Variants in CNTLN observed in about 807,000 individuals in gnomAD.
The protein encoded by CNTLN is centlein, also known as centlein, centrosomal protein.
CNTLN carries 212 observed loss-of-function variants against 180.0 expected under a neutral mutation model. The ratio of observed to expected loss-of-function variants is 1.18; its 90% CI spans 1.05 to 1.32. The LOEUF is 1.32. Among genes scored for constraint, CNTLN ranks in the 40% most tolerant of loss-of-function variants. The pLI is 0.00. For synonymous variants in CNTLN, 722 were observed against 563.1 expected, an observed-to-expected ratio of 1.28 and a Z score of -3.99; for missense variants, 2,095 against 1,610.9, an observed-to-expected ratio of 1.30 and a Z score of -5.14.
At chr9:17,211,486 C>G (rs1321604830) in intron 2 of CNTLN, among the ~76,000 whole-genome samples, 1 of 152,076 alleles carries the variant, frequency 6.6e-6, no homozygotes, top group Non-Finnish European at 1.5e-5. Context: ...AGTCAGGTAG[C>G]GTGATTCCTC....
intron 13 of CNTLN, among the ~76,000 whole-genome samples, chr9:17,386,170 A>C (rs1028711442): frequency 2.0e-5 from 3 of 151,766 alleles, no homozygotes; most frequent in Admixed American, 2.0e-4. Flanking sequence ...TAAATTAATT[A>C]AAAAAAAGAA....
At chr9:17,296,702 C>T (rs1049537389) in intron 6 of CNTLN, among the ~76,000 whole-genome samples, 1 of 151,948 alleles carries the variant, frequency 6.6e-6, no homozygotes, top group Admixed American at 6.6e-5. Context: ...GGCATTGTGC[C>T]ATTATTGGTT....
intron 6 of CNTLN, among the ~76,000 whole-genome samples, chr9:17,292,268 T>A (rs1265043556): frequency 1.3e-5 from 2 of 152,074 alleles, no homozygotes; most frequent in African/African-American, 2.4e-5. Context: ...GTGAATTTGA[T>A]GATTATGTGT....
chr9:17,178,594 G>T (rs146563813), intron 2 of CNTLN, among the ~76,000 whole-genome samples: 1 of 152,084 alleles, frequency 6.6e-6, no homozygotes, highest in African/African-American at 2.4e-5. Context: ...GCTAAGGCCC[G>T]GTGAGAAATC....
intron 2 of CNTLN, among the ~76,000 whole-genome samples, chr9:17,201,222 G>C (rs890442679): frequency 6.6e-6 from 1 of 152,176 alleles, no homozygotes; most frequent in Non-Finnish European, 1.5e-5. Context: ...ATGTGCTGCT[G>C]TATTCAGTTT....
chr9:17,378,234 C>T (rs1824939946), intron 13 of CNTLN, among the ~76,000 whole-genome samples: 1 of 152,134 alleles, frequency 6.6e-6, no homozygotes, highest in Non-Finnish European at 1.5e-5. Context: ...GGCTGGAATG[C>T]AGTGGCACAA....
chr9:17,303,761 T>C (rs950218373), intron 7 of CNTLN, among the ~76,000 whole-genome samples: 1 of 152,136 alleles, frequency 6.6e-6, no homozygotes, highest in Non-Finnish European at 1.5e-5. Flanking sequence ...ATTTGAATAA[T>C]CTTGCAATAA....
chr9:17,353,803 G>A (rs1207007511), intron 12 of CNTLN, among the ~76,000 whole-genome samples: 2 of 152,062 alleles, frequency 1.3e-5, no homozygotes, highest in Non-Finnish European at 2.9e-5. Flanking sequence ...CTTGCTCTCC[G>A]CACCTCCTCT....
At chr9:17,228,597 C>T (rs908757435) in intron 3 of CNTLN, among the ~76,000 whole-genome samples, 1 of 152,044 alleles carries the variant, frequency 6.6e-6, no homozygotes, top group Non-Finnish European at 1.5e-5. Flanking sequence ...GTGGAAATTG[C>T]CATATTCTCC....
intron 25 of CNTLN, among the ~76,000 whole-genome samples, chr9:17,497,255 C>T (rs189966459): frequency 6.6e-6 from 1 of 152,058 alleles, no homozygotes; most frequent in East Asian, 1.9e-4. Flanking sequence ...TGCTGAGGAG[C>T]CAGTGACAAG....
intron 12 of CNTLN, among the ~76,000 whole-genome samples, chr9:17,355,791 G>T (rs543707331): frequency 6.6e-6 from 1 of 152,226 alleles, no homozygotes; most frequent in South Asian, 2.1e-4. Context: ...CAGGCTGGGC[G>T]CAGTGGCTCA....
At chr9:17,474,155 T>C (rs1832198866) in intron 23 of CNTLN, among the ~76,000 whole-genome samples, 2 of 152,304 alleles carry the variant, frequency 1.3e-5, no homozygotes, top group South Asian at 2.1e-4. Flanking sequence ...CTCCCTAATA[T>C]ATATCTGTTC....
intron 6 of CNTLN, among the ~76,000 whole-genome samples, chr9:17,288,107 C>T (rs1829111293): frequency 7.6e-6 from 1 of 131,234 alleles, no homozygotes; most frequent in Admixed American, 7.5e-5. Flanking sequence ...GTTAGGGTGT[C>T]AATTTTGGAT....
intron 20 of CNTLN, among the ~76,000 whole-genome samples, chr9:17,464,248 C>A (rs1174312693): frequency 6.6e-6 from 1 of 151,048 alleles, no homozygotes; most frequent in Non-Finnish European, 1.5e-5. Context: ...TTTCTCATTT[C>A]TTATATATTT....
intron 2 of CNTLN, among the ~76,000 whole-genome samples, chr9:17,144,871 G>C (rs1469734570): frequency 6.7e-6 from 1 of 148,390 alleles, no homozygotes; most frequent in Non-Finnish European, 1.5e-5. Context: ...GTCTCGCTCT[G>C]TCGCCCAGGC....
In CNTLN at chr9:17,298,173, T is replaced by C. The variant is rs910410070; in HGVS notation, c.984-17T>C. The C allele has an allele frequency of 7.1e-7, 1 of 1,417,340 alleles. No homozygotes were observed. Among genetic ancestry groups the C allele is most frequent in the African/African-American group, 1.5e-5 (1 of 68,316 alleles). The allele number at this position is 1,417,340 out of a possible 1,614,324, so 87.8% of individuals were successfully genotyped here. ...CTTTATCCATACTTTTCTCTATTTA[T>C]TGCTTGCTTTGCACAGGAAGGAACT... On this transcript the variant is annotated splice_polypyrimidine_tract_variant and intron_variant, in intron 6 of 25. Transcript: ENST00000380647.
chr9:17,440,630 A>G (rs537166502), intron 18 of CNTLN, among the ~76,000 whole-genome samples: 1 of 152,062 alleles, frequency 6.6e-6, no homozygotes, highest in South Asian at 2.1e-4. Context: ...TCACATAAAA[A>G]ACTTGTACAT....
intron 5 of CNTLN, among the ~76,000 whole-genome samples, chr9:17,247,304 C>T (rs545921468): frequency 6.6e-6 from 1 of 152,198 alleles, no homozygotes; most frequent in African/African-American, 2.4e-5. Context: ...ACTCAGATTC[C>T]AACTGCTGGG....
intron 8 of CNTLN, among the ~76,000 whole-genome samples, chr9:17,312,118 C>G (rs2132941973): frequency 6.6e-6 from 1 of 151,704 alleles, no homozygotes; most frequent in East Asian, 1.9e-4. Context: ...TGTTCTTGCT[C>G]CTTTGCTTTT....
Sources: allele counts gnomAD v4.1 joint callset (sites outside exome capture counted in the v4.1 genomes callset), GRCh38; gene constraint gnomAD v4.1.1; transcripts MANE v1.5; gene names NCBI Gene and HGNC (gene_info 2026-07-23, HGNC 2026-07-21).